Variants in RBFOX1 observed in about 807,000 individuals in gnomAD.
RBFOX1 encodes RNA binding fox-1 homolog 1, also known as RNA binding protein fox-1 homolog 1.
A neutral mutation model predicts 57.7 loss-of-function variants in RBFOX1; 8 were observed. That is an observed-to-expected ratio of 0.14 (90% CI 0.08 to 0.25). RBFOX1 has a LOEUF of 0.25. Ranked by LOEUF, RBFOX1 falls within the 10% of genes least tolerant of loss-of-function variation. RBFOX1 has a pLI of 1.00. For missense variants in RBFOX1, 611 were observed against 548.5 expected, an observed-to-expected ratio of 1.11 and a Z score of -1.14; for synonymous variants, 326 against 222.4, an observed-to-expected ratio of 1.47 and a Z score of -4.15.
chr16:7,008,606 A>C (rs1404936485), intron 3 of RBFOX1, among the ~76,000 whole-genome samples: 3 of 145,040 alleles, frequency 2.1e-5, no homozygotes, highest in Non-Finnish European at 3.0e-5. Context: ...ATAGCTATAA[A>C]AATGAAATTC....
chr16:5,634,949 C>A (rs903725632), intron 3 of RBFOX1, among the ~76,000 whole-genome samples: 1 of 152,180 alleles, frequency 6.6e-6, no homozygotes, highest in African/African-American at 2.4e-5. Flanking sequence ...GCACCTTCCC[C>A]TATACCAATT....
chr16:6,898,977 T>C (rs1199113272), intron 3 of RBFOX1, among the ~76,000 whole-genome samples: 2 of 150,900 alleles, frequency 1.3e-5, no homozygotes, highest in Non-Finnish European at 1.5e-5. Flanking sequence ...GTATGATGTG[T>C]GTATGTGTGC....
intron 13 of RBFOX1, among the ~76,000 whole-genome samples, chr16:7,668,312 C>G (rs961131228): frequency 6.6e-6 from 1 of 152,202 alleles, no homozygotes; most frequent in African/African-American, 2.4e-5. Context: ...AACCTCTTCT[C>G]TCAAATGACC....
intron 1 of RBFOX1, among the ~76,000 whole-genome samples, chr16:5,443,437 A>G (rs1188022701): frequency 1.3e-5 from 2 of 152,190 alleles, no homozygotes; most frequent in Non-Finnish European, 2.9e-5. Context: ...TCCTGGGTTC[A>G]AGTGATTCTC....
intron 2 of RBFOX1, among the ~76,000 whole-genome samples, chr16:5,581,144 C>A (rs540545556): frequency 6.6e-6 from 1 of 152,092 alleles, no homozygotes; most frequent in Non-Finnish European, 1.5e-5. Context: ...GGGGGCAGGG[C>A]TTTCTTGGAC....
chr16:7,075,114 C>G (rs1203024400), intron 4 of RBFOX1, among the ~76,000 whole-genome samples: 1 of 152,196 alleles, frequency 6.6e-6, no homozygotes, highest in Non-Finnish European at 1.5e-5. Context: ...GAAATGTGTA[C>G]TCATGGGGCT....
At chr16:5,625,373 G>C (rs556846425) in intron 3 of RBFOX1, among the ~76,000 whole-genome samples, 1 of 152,204 alleles carries the variant, frequency 6.6e-6, no homozygotes, top group Admixed American at 6.5e-5. Context: ...CTCAGATGAA[G>C]AGACTGGGGC....
At chr16:5,533,104 G>T (rs2044552099) in intron 2 of RBFOX1, among the ~76,000 whole-genome samples, 1 of 152,164 alleles carries the variant, frequency 6.6e-6, no homozygotes, top group Non-Finnish European at 1.5e-5. Context: ...AGGAAATCAG[G>T]TCAAGAGAAG....
At position 6,097,312 on chromosome 16, in the gene RBFOX1, C is replaced by A. The variant is rs778675614; in HGVS notation, c.-127+77320C>A. On this transcript the variant is annotated intron_variant, in intron 1 of 15. Transcript: ENST00000550418. This position sits in a 1 kb window ranked among gnomAD's most constrained non-coding sequence, Gnocchi z 5.0. Reference sequence around the variant, plus strand: ...GCAGCATAAAAACAGACTAACATAACCCCCCTTTCTTCCTACCCCTGTGAT... The same window carrying A: ...GCAGCATAAAAACAGACTAACATAAACCCCCTTTCTTCCTACCCCTGTGAT... 3.9e-5 allele frequency among the ~76,000 whole-genome samples: 6 copies of A among 152,114 alleles called. No homozygotes were observed. Among genetic ancestry groups the A allele is most frequent in the Non-Finnish European group, 5.9e-5 (4 of 68,016 alleles).
chr16:5,416,762 G>A (rs2067170703), intron 1 of RBFOX1, among the ~76,000 whole-genome samples: 1 of 151,500 alleles, frequency 6.6e-6, no homozygotes, highest in Non-Finnish European at 1.5e-5. Flanking sequence ...AACTCCCCTT[G>A]TCTCATTCAT....
At chr16:7,148,243 G>T (rs2075415071) in intron 4 of RBFOX1, among the ~76,000 whole-genome samples, 1 of 152,152 alleles carries the variant, frequency 6.6e-6, no homozygotes, top group Non-Finnish European at 1.5e-5. Flanking sequence ...AAAACAAATG[G>T]AAGAAGTTTA....
chr16:6,864,989 C>CTTTTTTTT (rs1555544471), intron 3 of RBFOX1, among the ~76,000 whole-genome samples: 3,402 of 105,676 alleles, frequency 0.032, 265 homozygotes, highest in African/African-American at 0.12. Flanking sequence ...GTGGGTTTTT[C>CTTTTTTTT]TTTTTCTTTT....
intron 1 of RBFOX1, among the ~76,000 whole-genome samples, chr16:6,063,507 C>CACACACACACACACA (rs1555493205): frequency 2.5e-4 from 12 of 47,194 alleles, no homozygotes; most frequent in African/African-American, 6.0e-4. Flanking sequence ...ACACACACAC[C>CACACACACACACACA]CCCTTATATT....
At position 7,053,116 on chromosome 16, in the gene RBFOX1, A is replaced by T. The variant is rs145302210; in HGVS notation, c.27+1018A>T. Among the ~76,000 whole-genome samples the T allele has an allele frequency of 3.3e-5, 5 of 152,306 alleles. No homozygotes were observed. The East Asian group carries it at 7.7e-4, about 24-fold the overall frequency. ...GCATTTACCTAATGATAGTCTCATG[A>T]TGGCAATAATTTGTAGAGTTGCTTC... On this transcript the variant is annotated intron_variant, in intron 4 of 15. Transcript: ENST00000550418.
chr16:6,640,286 G>T (rs1252926513), intron 2 of RBFOX1, among the ~76,000 whole-genome samples: 2 of 152,032 alleles, frequency 1.3e-5, no homozygotes, highest in Non-Finnish European at 2.9e-5. Flanking sequence ...TAAGAACTAG[G>T]CTATATTTTT....
intron 4 of RBFOX1, among the ~76,000 whole-genome samples, chr16:7,270,366 G>A (rs918389091): frequency 1.3e-5 from 2 of 152,184 alleles, no homozygotes; most frequent in Non-Finnish European, 2.9e-5. Flanking sequence ...CTTCTCCTTT[G>A]TGGATGGAAA....
intron 4 of RBFOX1, among the ~76,000 whole-genome samples, chr16:7,302,026 C>T (rs750254051): frequency 2.0e-5 from 3 of 152,170 alleles, no homozygotes; most frequent in African/African-American, 7.2e-5. Context: ...GTACAGCAAA[C>T]GTTTTTCAAA....
chr16:5,319,150 C>CAAACA (rs1567328155), intron 1 of RBFOX1, among the ~76,000 whole-genome samples: 1 of 149,752 alleles, frequency 6.7e-6, no homozygotes, highest in African/African-American at 2.5e-5. Context: ...AACAAACAAA[C>CAAACA]AAAAAAACAT....
Position 5,897,140 on chromosome 16 carries a change from A to G in RBFOX1, c.351+29805A>G, listed in dbSNP as rs1365425874. ...AAGCTCCGCTTCCCGGGTTCAAGCG[A>G]TTCTCCCGCCTCAGCCTCCCCAGTA... On this transcript the variant is annotated intron_variant, in intron 4 of 19. Transcript: ENST00000641259. 4.7e-5 allele frequency among the ~76,000 whole-genome samples: 7 copies of G among 147,400 alleles called. No individual in the cohort carries two copies. In the East Asian group the frequency reaches 1.5e-3, roughly 31 times the overall value.
Sources: gnomAD v4.1 joint callset for allele counts (sites outside exome capture counted in the v4.1 genomes callset) on GRCh38, gnomAD v4.1.1 for gene constraint, Gnocchi (gnomAD v3.1) non-coding constraint, MANE v1.5 for transcripts, NCBI Gene and HGNC (gene_info 2026-07-23, HGNC 2026-07-21) for gene names.